CTNNA3: variants seen among roughly 807,000 people sequenced by gnomAD.
The protein encoded by CTNNA3 is catenin alpha 3, also known as catenin alpha-3.
In CTNNA3, 76 loss-of-function variants were observed where a neutral mutation model predicts 95.7. That is an observed-to-expected ratio of 0.79 (90% CI 0.66 to 0.96). The LOEUF is 0.96. Among genes scored for constraint, CTNNA3 ranks in the 40% least tolerant of loss-of-function variants. CTNNA3 has a pLI of 0.00. For missense variants in CTNNA3, 1,191 were observed against 1,089.8 expected, an observed-to-expected ratio of 1.09 and a Z score of -1.31; for synonymous variants, 431 against 374.4, an observed-to-expected ratio of 1.15 and a Z score of -1.74.
At chr10:66,222,618 AAG>A (rs2089010083) in intron 13 of CTNNA3, among the ~76,000 whole-genome samples, 1 of 68,552 alleles carries the variant, frequency 1.5e-5, no homozygotes, top group Non-Finnish European at 4.1e-5. Flanking sequence ...GAAAGAAAGA[AAG>A]AAAAAGAAAG....
intron 11 of CTNNA3, among the ~76,000 whole-genome samples, chr10:66,488,908 C>CTT (rs145838997): frequency 2.7e-5 from 4 of 147,212 alleles, no homozygotes; most frequent in East Asian, 2.0e-4. Context: ...TAAAAGTAGA[C>CTT]TTTTTTTTTT....
chr10:66,624,486 C>A lies in CTNNA3; in HGVS notation c.1282-2702G>T, dbSNP rs563903045. Among the ~76,000 whole-genome samples the A allele has an allele frequency of 1.3e-3, 198 of 152,148 alleles. 2 individuals are homozygous for A. The highest frequency in any genetic ancestry group is 4.7e-3 in the African/African-American group (194 of 41,544). On this transcript the variant is annotated intron_variant, in intron 9 of 17. Coordinates refer to ENST00000433211, the MANE Select transcript of CTNNA3 (RefSeq NM_013266.4). ...AGCCTAAAGAAATTTAACAATATGT[C>A]TGACCCAAGAGCCACAAACTCAAAT...
At chr10:66,386,707 C>A (rs2092895770) in intron 11 of CTNNA3, among the ~76,000 whole-genome samples, 1 of 152,126 alleles carries the variant, frequency 6.6e-6, no homozygotes, top group Non-Finnish European at 1.5e-5. Flanking sequence ...TACTACAAGG[C>A]TACAGTAACC....
intron 12 of CTNNA3, among the ~76,000 whole-genome samples, chr10:66,311,024 G>T (rs1379869216): frequency 6.6e-6 from 1 of 152,066 alleles, no homozygotes; most frequent in African/African-American, 2.4e-5. Context: ...TTCCTAGACT[G>T]TTGTCCTAAA....
intron 7 of CTNNA3, among the ~76,000 whole-genome samples, chr10:66,951,201 T>C (rs1415557199): frequency 1.3e-5 from 2 of 151,748 alleles, no homozygotes; most frequent in Non-Finnish European, 2.9e-5. Flanking sequence ...CTGCAACCTC[T>C]GCCTCCTGGG....
chr10:66,577,372 T>G (rs1037529259), intron 10 of CTNNA3, among the ~76,000 whole-genome samples: 1 of 152,080 alleles, frequency 6.6e-6, no homozygotes, highest in Non-Finnish European at 1.5e-5. Context: ...TGCAATTACT[T>G]TTGGGAACTT....
intron 11 of CTNNA3, among the ~76,000 whole-genome samples, chr10:66,482,965 A>C (rs904020759): frequency 6.6e-6 from 1 of 152,174 alleles, no homozygotes; most frequent in African/African-American, 2.4e-5. Context: ...GCCCAATGGA[A>C]TAGCACTCTC....
intron 7 of CTNNA3, among the ~76,000 whole-genome samples, chr10:66,846,131 CA>C (rs397732737): frequency 5.3e-5 from 8 of 151,042 alleles, no homozygotes; most frequent in Admixed American, 5.3e-4. Context: ...GACTCTGTCT[CA>C]AAAAAAAGGG....
At chr10:66,602,793 G>A (rs536455102) in intron 10 of CTNNA3, among the ~76,000 whole-genome samples, 1 of 152,102 alleles carries the variant, frequency 6.6e-6, no homozygotes, top group South Asian at 2.1e-4. Flanking sequence ...CTTTTAACAT[G>A]TGCAAATCAA....
chr10:66,595,938 G>C (rs980043882), intron 10 of CTNNA3, among the ~76,000 whole-genome samples: 6 of 151,928 alleles, frequency 3.9e-5, no homozygotes, highest in African/African-American at 1.5e-4. Flanking sequence ...TTACAGATGA[G>C]AGCTACCATG....
intron 10 of CTNNA3, among the ~76,000 whole-genome samples, chr10:66,536,564 GTAA>G (rs1425969899): frequency 6.6e-6 from 1 of 151,468 alleles, no homozygotes; most frequent in African/African-American, 2.4e-5. Flanking sequence ...GCTCAGAGTA[GTAA>G]TAATCTCAAC....
intron 13 of CTNNA3, among the ~76,000 whole-genome samples, chr10:66,226,759 G>C (rs556485688): frequency 6.6e-6 from 1 of 151,736 alleles, no homozygotes; most frequent in Non-Finnish European, 1.5e-5. Context: ...TTTCATTGTA[G>C]AGAATTTTCA....
chr10:66,815,891 T>G (rs1842060182), intron 7 of CTNNA3, among the ~76,000 whole-genome samples: 1 of 152,120 alleles, frequency 6.6e-6, no homozygotes, highest in African/African-American at 2.4e-5. Context: ...GACAGTAACT[T>G]GAATTCAGAT....
chr10:66,903,739 C>A (rs1589401136), intron 7 of CTNNA3, among the ~76,000 whole-genome samples: 1 of 152,090 alleles, frequency 6.6e-6, no homozygotes. Flanking sequence ...CAATAACAGA[C>A]CAACAGAGAG....
At chr10:66,833,328 C>A (rs1019951844) in intron 7 of CTNNA3, among the ~76,000 whole-genome samples, 2 of 152,158 alleles carry the variant, frequency 1.3e-5, no homozygotes, top group Admixed American at 1.3e-4. Context: ...GGCATTGAAT[C>A]CACCTAAAGA....
chr10:67,171,331 T>C (rs906377019), intron 7 of CTNNA3, among the ~76,000 whole-genome samples: 5 of 152,172 alleles, frequency 3.3e-5, no homozygotes, highest in African/African-American at 9.6e-5. Flanking sequence ...TCCCAGCACT[T>C]TGGGAGGCTG....
intron 13 of CTNNA3, among the ~76,000 whole-genome samples, chr10:66,179,680 AT>A (rs534126350): frequency 6.6e-6 from 1 of 151,834 alleles, no homozygotes; most frequent in African/African-American, 2.4e-5. Flanking sequence ...GGTTTTTGAG[AT>A]TTTTTTTCCA....
At chr10:66,159,467 CT>C (rs2084725478) in intron 13 of CTNNA3, among the ~76,000 whole-genome samples, 1 of 151,940 alleles carries the variant, frequency 6.6e-6, no homozygotes, top group African/African-American at 2.4e-5. Context: ...CATTTATTGA[CT>C]TGCATATGTT....
At chr10:66,771,553 G>A (rs1283155699) in intron 8 of CTNNA3, among the ~76,000 whole-genome samples, 1 of 152,272 alleles carries the variant, frequency 6.6e-6, no homozygotes, top group Non-Finnish European at 1.5e-5. Flanking sequence ...AAAGTGAATA[G>A]GCCATAATCC....
Sources: allele counts gnomAD v4.1 joint callset (sites outside exome capture counted in the v4.1 genomes callset), GRCh38; gene constraint gnomAD v4.1.1; transcripts MANE v1.5; gene names NCBI Gene and HGNC (gene_info 2026-07-23, HGNC 2026-07-21).